FAF1: variants seen among roughly 807,000 people sequenced by gnomAD.
The protein encoded by FAF1 is FAS-associated factor 1.
Under a neutral mutation model 92.5 loss-of-function variants are expected in FAF1, and 25 were observed. The ratio of observed to expected loss-of-function variants is 0.27; its 90% confidence interval spans 0.20 to 0.38. The LOEUF is 0.38. Among genes scored for constraint, FAF1 ranks in the 10% least tolerant of loss-of-function variants. The pLI is 1.00. For missense variants in FAF1, 636 were observed against 793.3 expected (o/e 0.80, Z 2.38); for synonymous variants, 234 against 273.2 (o/e 0.86, Z 1.42).
intron 12 of FAF1, among the ~76,000 whole-genome samples, chr1:50,572,752 T>C (rs1165370575): frequency 3.3e-5 from 5 of 151,920 alleles, no homozygotes; most frequent in Non-Finnish European, 5.9e-5. Flanking sequence ...TAGATGGGAG[T>C]AGTGAGGAAG....
chr1:50,785,376 A>G (rs558685114), intron 4 of FAF1, among the ~76,000 whole-genome samples: 2 of 152,164 alleles, frequency 1.3e-5, no homozygotes, highest in African/African-American at 4.8e-5. Flanking sequence ...TGTGAACCAT[A>G]TATCTAATAA....
chr1:50,839,187 A>G (rs12757463), intron 2 of FAF1, among the ~76,000 whole-genome samples: 12 of 151,470 alleles, frequency 7.9e-5, no homozygotes, highest in Non-Finnish European at 1.5e-4. Flanking sequence ...AGAAAAGCAG[A>G]AAAAAAAAGG....
At chr1:50,731,668 T>C (rs1252372018) in intron 6 of FAF1, among the ~76,000 whole-genome samples, 1 of 152,038 alleles carries the variant, frequency 6.6e-6, no homozygotes, top group African/African-American at 2.4e-5. Flanking sequence ...GCGCCCGGCC[T>C]CAAAACACTT....
intron 1 of FAF1, among the ~76,000 whole-genome samples, chr1:50,897,800 T>A (rs1488876437): frequency 6.6e-6 from 1 of 152,164 alleles, no homozygotes; most frequent in East Asian, 1.9e-4. Flanking sequence ...ATGCAAAACA[T>A]GGTCAGAAGT....
chr1:50,891,999 G>T (rs1644724186), intron 1 of FAF1, among the ~76,000 whole-genome samples: 1 of 152,146 alleles, frequency 6.6e-6, no homozygotes, highest in Non-Finnish European at 1.5e-5. Flanking sequence ...GCTGCAGTGG[G>T]GTCCACCCAG....
At chr1:50,734,210 C>T (rs540029826) in intron 6 of FAF1, among the ~76,000 whole-genome samples, 57 of 152,320 alleles carry the variant, frequency 3.7e-4, no homozygotes, top group African/African-American at 1.3e-3. Context: ...TCTCCCTCAA[C>T]TTCTCCTTCC....
At chr1:50,527,860 C>CTCT (rs1647910568) in intron 15 of FAF1, among the ~76,000 whole-genome samples, 5 of 61,132 alleles carry the variant, frequency 8.2e-5, no homozygotes, top group Admixed American at 3.2e-4. Flanking sequence ...TCCCTCTCTC[C>CTCT]CTCTCTCCCT....
rs536685045 is a variant in FAF1, at chr1:50,804,086, T to A, written c.115-2409A>T. 2.0e-5 allele frequency among the ~76,000 whole-genome samples: 3 copies of A among 152,284 alleles called. No individual in the cohort carries two copies. The East Asian group carries it at 5.8e-4, about 29-fold the overall frequency. ...TTTCAGGTCACAGGAGAATATCAAT[T>A]GTTCATATAATAAATGTGTATTAAT... On this transcript the variant is annotated intron_variant, in intron 2 of 18. Coordinates refer to ENST00000396153, the MANE Select transcript of FAF1 (RefSeq NM_007051.3).
At chr1:50,725,298 C>A (rs2124462494) in intron 6 of FAF1, among the ~76,000 whole-genome samples, 1 of 152,266 alleles carries the variant, frequency 6.6e-6, no homozygotes, top group Middle Eastern at 3.4e-3. Flanking sequence ...ATTCTGAAGC[C>A]AAGCTGGACC....
chr1:50,508,825 T>TAGA (rs1647093409), intron 15 of FAF1, among the ~76,000 whole-genome samples: 1 of 152,196 alleles, frequency 6.6e-6, no homozygotes, highest in Admixed American at 6.5e-5. Context: ...CCTCAGCTCC[T>TAGA]GAGTAGCAGG....
At chr1:50,640,494 C>T (rs1654273093) in intron 8 of FAF1, among the ~76,000 whole-genome samples, 1 of 151,920 alleles carries the variant, frequency 6.6e-6, no homozygotes, top group African/African-American at 2.4e-5. Context: ...CAAGGTTTCA[C>T]CGTGTTAGCC....
Position 50,584,664 on chromosome 1 carries a change from C to G in FAF1, c.967+21G>C, listed in dbSNP as rs183436561. ...GAAGAAAGAATTCTATTGCTGGACC[C>G]AAAGAGCTATTAATACTCACTCATT... On this transcript the variant is annotated intron_variant, in intron 10 of 18. Transcript: ENST00000396153. The G allele has an allele frequency of 5.0e-6, 8 of 1,608,282 alleles. No individual in the cohort carries two copies. In the African/African-American group the frequency reaches 8.0e-5, roughly 16 times the overall value.
chr1:50,725,591 G>A (rs1325828723), intron 6 of FAF1, among the ~76,000 whole-genome samples: 1 of 152,112 alleles, frequency 6.6e-6, no homozygotes, highest in Non-Finnish European at 1.5e-5. Flanking sequence ...GAGTAGCTGG[G>A]ATTACAGGTG....
chr1:50,724,368 G>A (rs1440146248), intron 6 of FAF1, among the ~76,000 whole-genome samples: 1 of 150,644 alleles, frequency 6.6e-6, no homozygotes, highest in African/African-American at 2.5e-5. Context: ...TTGCTAGGAC[G>A]AGGGCTAGGA....
chr1:50,884,225 T>C (rs1644638062), intron 1 of FAF1, among the ~76,000 whole-genome samples: 1 of 149,076 alleles, frequency 6.7e-6, no homozygotes, highest in Non-Finnish European at 1.5e-5. Flanking sequence ...TAAAAATTCT[T>C]AAATATAGGC....
chr1:50,470,592 G>T (rs2148996057), intron 18 of FAF1: 1 of 152,262 alleles, frequency 6.6e-6, no homozygotes, highest in South Asian at 2.1e-4. Context: ...TTAACTGTAA[G>T]CCCTTCCTAC....
chr1:50,625,667 C>T (rs952445860), intron 8 of FAF1, among the ~76,000 whole-genome samples: 2 of 151,960 alleles, frequency 1.3e-5, no homozygotes, highest in East Asian at 3.9e-4. Context: ...GGTAACACAT[C>T]TAAGAAACAA....
chr1:50,468,334 C>T (rs957048339), intron 18 of FAF1, among the ~76,000 whole-genome samples: 10 of 152,126 alleles, frequency 6.6e-5, no homozygotes, highest in Non-Finnish European at 1.3e-4. Flanking sequence ...GCTCTGTCTC[C>T]CAGGCTAGAG....
At chr1:50,449,807 G>A (rs567551018) in intron 18 of FAF1, among the ~76,000 whole-genome samples, 6 of 151,730 alleles carry the variant, frequency 4.0e-5, no homozygotes, top group Admixed American at 2.0e-4. Flanking sequence ...TTTTTGGTAT[G>A]CTATGAGTAA....
Sources: gnomAD v4.1 joint callset for allele counts (sites outside exome capture counted in the v4.1 genomes callset) on GRCh38, gnomAD v4.1.1 for gene constraint, MANE v1.5 for transcripts, NCBI Gene and HGNC (gene_info 2026-07-23, HGNC 2026-07-21) for gene names.